The following MSH3 variants were observed in gnomAD, a reference collection of about 807,000 sequenced individuals.
The protein encoded by MSH3 is DNA mismatch repair protein Msh3.
MSH3 carries 106 observed loss-of-function variants against 123.3 expected under a neutral mutation model. The observed-to-expected ratio is 0.86, with a 90% CI of 0.73 to 1.01. MSH3 has a LOEUF of 1.01. Ranked by LOEUF, MSH3 falls within the 50% of genes least tolerant of loss-of-function variation. MSH3 has a pLI of 0.00. For missense variants in MSH3, 1,459 were observed against 1,347.6 expected, an observed-to-expected ratio of 1.08 and a Z score of -1.29; for synonymous variants, 515 against 481.4, an observed-to-expected ratio of 1.07 and a Z score of -0.91.
intron 20 of MSH3, among the ~76,000 whole-genome samples, chr5:80,845,959 G>A (rs1210904823): frequency 2.6e-5 from 4 of 152,144 alleles, no homozygotes; most frequent in African/African-American, 4.8e-5. Flanking sequence ...CTGAGGAGCT[G>A]CAATCCTTTG....
At chr5:80,728,785 T>C (rs1292648596) in intron 9 of MSH3, 66 bp from the exon 10 acceptor site, 2 of 868,778 alleles carry the variant, frequency 2.3e-6, no homozygotes, top group African/African-American at 1.7e-5. Context: ...GTTCTGTTTA[T>C]TACATTTTTT....
intron 10 of MSH3, among the ~76,000 whole-genome samples, chr5:80,735,381 CAAAAAAAAAAA>C (rs58588808): frequency 5.0e-5 from 3 of 59,600 alleles, no homozygotes; most frequent in East Asian, 9.7e-4. Flanking sequence ...GACTTCATCT[CAAAAAAAAAAA>C]AAAAAAAAAA....
chr5:80,791,318 T>C (rs997560205), intron 18 of MSH3, among the ~76,000 whole-genome samples: 2 of 152,206 alleles, frequency 1.3e-5, no homozygotes, highest in Non-Finnish European at 2.9e-5. Flanking sequence ...AATTATGAGC[T>C]TTAAAAGATT....
chr5:80,826,756 G>T (rs1664585), intron 20 of MSH3, among the ~76,000 whole-genome samples: 150,809 of 152,104 alleles, frequency 0.99, 74,764 homozygotes, highest in East Asian at 1. Flanking sequence ...ACCACATTGG[G>T]CAAGCTGGTC....
intron 8 of MSH3, among the ~76,000 whole-genome samples, chr5:80,695,224 G>A (rs764813026): frequency 6.6e-6 from 1 of 151,002 alleles, no homozygotes; most frequent in Non-Finnish European, 1.5e-5. Flanking sequence ...TCCAGATTTG[G>A]TAATTTCTAT....
intron 8 of MSH3, among the ~76,000 whole-genome samples, chr5:80,691,539 T>C (rs1750251149): frequency 6.6e-6 from 1 of 151,156 alleles, no homozygotes; most frequent in African/African-American, 2.4e-5. Context: ...TTCTTTTTTT[T>C]TTTTAAATAA....
At chr5:80,674,361 A>G (rs1749789143) in intron 6 of MSH3, among the ~76,000 whole-genome samples, 1 of 152,154 alleles carries the variant, frequency 6.6e-6, no homozygotes, top group South Asian at 2.1e-4. Flanking sequence ...CTGTTTTCTC[A>G]TGTCTTTAAA....
chr5:80,741,532 A>G lies in MSH3; in HGVS notation c.1637A>G (p.Glu546Gly). The change falls in exon 11 of 24, where the codon GAA (glutamate) becomes GGA (glycine). Residue 546 changes from glutamate (E) to glycine (G), a missense_variant. Transcript: ENST00000265081. ...AATGGAACAACATTAAGGAATCTGG[A>G]AATCCTACAGAATCAGGTCAGGCAA... ...TINGTTLRNL[E>G]ILQNQTDMKT... 1.2e-6 allele frequency: 2 copies of G among 1,609,792 alleles called. No individual in the cohort carries two copies. Among genetic ancestry groups the G allele is most frequent in the South Asian group, 1.1e-5 (1 of 90,990 alleles).
intron 20 of MSH3, among the ~76,000 whole-genome samples, chr5:80,821,207 T>TA (rs969103711): frequency 6.6e-6 from 1 of 152,214 alleles, no homozygotes; most frequent in African/African-American, 2.4e-5. Flanking sequence ...GGTAAACTCC[T>TA]AATGCCCTAT....
Position 80,778,837 on chromosome 5 carries a change from G to A in MSH3, c.2435+1G>A. 1 of 1,496,378 alleles carries A rather than the reference G, an allele frequency of 6.7e-7. No individual in the cohort carries two copies. Among genetic ancestry groups the A allele is most frequent in the Non-Finnish European group, 9.3e-7 (1 of 1,072,634 alleles). 92.7% of individuals were successfully genotyped at this position (1,496,378 alleles called of 1,614,324 possible). A position where few individuals can be genotyped will look rare whatever the true frequency, so the allele number is the denominator to read the frequency against. ...GTGCTGAATGGCTTGATTTTCTAGA[G>A]TGAGTTTACAATGAAAAAATATAAT... On this transcript the variant is annotated splice_donor_variant, in intron 17 of 23. Transcript: ENST00000265081. LOFTEE classifies it high-confidence loss of function.
At chr5:80,830,763 A>C (rs536348784) in intron 20 of MSH3, among the ~76,000 whole-genome samples, 2 of 152,362 alleles carry the variant, frequency 1.3e-5, no homozygotes, top group Admixed American at 6.5e-5. Flanking sequence ...CACATGCTTT[A>C]TAGACAGGGC....
chr5:80,781,807 A>G (rs950947859), intron 17 of MSH3, among the ~76,000 whole-genome samples: 4 of 151,904 alleles, frequency 2.6e-5, no homozygotes, highest in African/African-American at 9.7e-5. Flanking sequence ...ATTACCTCAA[A>G]CCATTCTTAC....
At chr5:80,875,156 A>G (rs749015149) in intron 23 of MSH3, among the ~76,000 whole-genome samples, 1 of 152,118 alleles carries the variant, frequency 6.6e-6, no homozygotes, top group Non-Finnish European at 1.5e-5. Context: ...TTTCATCCTT[A>G]TGGCAGCCTT....
chr5:80,769,094 G>A (rs927740880), intron 15 of MSH3, 91 bp downstream of exon 15: 2 of 1,166,622 alleles, frequency 1.7e-6, no homozygotes, highest in Middle Eastern at 2.8e-4. Flanking sequence ...GATAGGATAT[G>A]TATTATCTTT....
chr5:80,669,222 T>G (rs1187901004), intron 3 of MSH3, among the ~76,000 whole-genome samples: 1 of 152,198 alleles, frequency 6.6e-6, no homozygotes, highest in African/African-American at 2.4e-5. Context: ...TGGGTTTTCT[T>G]TTGGATTGGG....
chr5:80,693,575 GCACATGTAT>G, intron 8 of MSH3, among the ~76,000 whole-genome samples: 1 of 142,680 alleles, frequency 7.0e-6, no homozygotes, highest in Non-Finnish European at 1.5e-5. Flanking sequence ...AAATATATAT[GCACATGTAT>G]ATAAATATAT....
At chr5:80,660,326 C>T (rs1749404868) in intron 2 of MSH3, among the ~76,000 whole-genome samples, 1 of 152,004 alleles carries the variant, frequency 6.6e-6, no homozygotes, top group Admixed American at 6.6e-5. Context: ...CTGATAAACC[C>T]ATCAGATTTC....
chr5:80,798,945 T>C (rs1055592425), intron 19 of MSH3, among the ~76,000 whole-genome samples: 2 of 152,214 alleles, frequency 1.3e-5, no homozygotes, highest in African/African-American at 2.4e-5. Flanking sequence ...TCAAGCACTT[T>C]CTTTGCTCTG....
intron 20 of MSH3, among the ~76,000 whole-genome samples, chr5:80,818,369 GTT>G (rs36105811): frequency 8.1e-6 from 1 of 123,890 alleles, no homozygotes; most frequent in African/African-American, 3.1e-5. Flanking sequence ...AATGACTGGT[GTT>G]TTTTTTTTTT....
Sources: gnomAD v4.1 joint callset for allele counts (sites outside exome capture counted in the v4.1 genomes callset) on GRCh38, gnomAD v4.1.1 for gene constraint, MANE v1.5 for transcripts, NCBI Gene and HGNC (gene_info 2026-07-23, HGNC 2026-07-21) for gene names.